Variants in PCDH15 observed in about 807,000 individuals in gnomAD.
PCDH15 encodes the protein protocadherin-15.
In PCDH15, 129 loss-of-function variants were observed where a neutral mutation model predicts 178.5. That is an observed-to-expected ratio of 0.72 (90% CI 0.63 to 0.84). The LOEUF is 0.84. Ranked by LOEUF, PCDH15 falls within the 40% of genes least tolerant of loss-of-function variation. The pLI is 0.00. For synonymous variants in PCDH15, 800 were observed against 732.0 expected, an observed-to-expected ratio of 1.09 and a Z score of -1.50; for missense variants, 2,230 against 2,099.9, an observed-to-expected ratio of 1.06 and a Z score of -1.21.
rs1588897718 is a variant in PCDH15 at position 55,306,739 on chromosome 10, A to G, written c.-156+12860T>C. The stretch of plus-strand genomic sequence containing the variant: ...GGGGCAGAGTAAAGTGAAATCTTAC[A>G]TTATTCATGTTGAAAATCTTGAAAT... On this transcript the variant is annotated intron_variant, in intron 1 of 5. Coordinates refer to the PCDH15 transcript ENST00000458638. Among the ~76,000 whole-genome samples, 6 of 152,356 alleles carry G rather than the reference A, an allele frequency of 3.9e-5. 1 individual carries two copies. Among genetic ancestry groups the G allele is most frequent in the Admixed American group, 3.9e-4 (6 of 15,300 alleles).
intron 2 of PCDH15, among the ~76,000 whole-genome samples, chr10:55,359,733 TATATATATATATATACAC>T (rs1565054521): frequency 1.7e-5 from 2 of 118,384 alleles, no homozygotes; most frequent in African/African-American, 6.5e-5. Flanking sequence ...TATATATATA[TATATATATATATATACAC>T]ACACACACAC....
chr10:54,881,894 T>A (rs1564599185), intron 3 of PCDH15, among the ~76,000 whole-genome samples: 1 of 152,166 alleles, frequency 6.6e-6, no homozygotes, highest in Non-Finnish European at 1.5e-5. Context: ...GCAGGAATAT[T>A]CCCATTTAAA....
At chr10:55,348,481 C>T (rs1271837672) in intron 2 of PCDH15, among the ~76,000 whole-genome samples, 1 of 152,040 alleles carries the variant, frequency 6.6e-6, no homozygotes, top group African/African-American at 2.4e-5. Flanking sequence ...AAACAAACCC[C>T]TGGCTTTGTG....
chr10:54,443,611 C>A (rs568857781), intron 3 of PCDH15, among the ~76,000 whole-genome samples: 1 of 151,680 alleles, frequency 6.6e-6, no homozygotes, highest in Non-Finnish European at 1.5e-5. Flanking sequence ...ATCCATCTGT[C>A]GGACTGACTA....
chr10:54,859,672 T>C (rs976778214), intron 3 of PCDH15, among the ~76,000 whole-genome samples: 2 of 151,832 alleles, frequency 1.3e-5, no homozygotes, highest in Middle Eastern at 3.4e-3. Context: ...TTGATATAAG[T>C]GTATCTGTTT....
intron 1 of PCDH15, among the ~76,000 whole-genome samples, chr10:54,762,639 G>T (rs1020597864): frequency 3.3e-5 from 5 of 151,940 alleles, no homozygotes; most frequent in African/African-American, 7.3e-5. Context: ...ATCTTACATG[G>T]TTAAAACATT....
chr10:55,249,053 T>C (rs1841761191), intron 1 of PCDH15, among the ~76,000 whole-genome samples: 1 of 152,098 alleles, frequency 6.6e-6, no homozygotes, highest in Admixed American at 6.6e-5. Flanking sequence ...TGTAAATCTA[T>C]AAAAAGACAG....
chr10:54,087,502 T>A (rs1463168198), intron 16 of PCDH15, among the ~76,000 whole-genome samples: 2 of 152,134 alleles, frequency 1.3e-5, no homozygotes, highest in Admixed American at 1.3e-4. Context: ...TATTGATGAG[T>A]AATATTATAT....
At chr10:54,537,032 T>G (rs1758822) in intron 2 of PCDH15, among the ~76,000 whole-genome samples, 53,604 of 133,312 alleles carry the variant, frequency 0.4, 12,056 homozygotes, top group East Asian at 0.67. Context: ...ACGGCGTCTC[T>G]CTCTCGCCCA....
intron 3 of PCDH15, among the ~76,000 whole-genome samples, chr10:54,881,850 T>A (rs1231740217): frequency 6.6e-6 from 1 of 152,194 alleles, no homozygotes; most frequent in Admixed American, 6.6e-5. Flanking sequence ...TTTTTGTTTA[T>A]AAGTGTTTTC....
chr10:54,428,829 CT>C (rs1956611495), intron 3 of PCDH15, among the ~76,000 whole-genome samples: 1 of 152,122 alleles, frequency 6.6e-6, no homozygotes, highest in Non-Finnish European at 1.5e-5. Flanking sequence ...AAATAAAAAA[CT>C]TTTACCCTAC....
intron 8 of PCDH15, among the ~76,000 whole-genome samples, chr10:54,308,803 G>T (rs1591719651): frequency 1.3e-5 from 2 of 151,320 alleles, no homozygotes; most frequent in Non-Finnish European, 1.5e-5. Flanking sequence ...CCCCAGACAG[G>T]CCCCCATGTC....
At chr10:53,949,527 T>C (rs1253450812) in intron 23 of PCDH15, among the ~76,000 whole-genome samples, 1 of 152,104 alleles carries the variant, frequency 6.6e-6, no homozygotes, top group Non-Finnish European at 1.5e-5. Context: ...GAAGGTTTTA[T>C]AAGAATGATA....
intron 2 of PCDH15, among the ~76,000 whole-genome samples, chr10:55,546,474 T>G (rs186150092): frequency 1.1e-4 from 16 of 152,276 alleles, no homozygotes; most frequent in Admixed American, 1.0e-3. Flanking sequence ...TATATATTAT[T>G]GAGTGTCATT....
rs567376995 is a variant in PCDH15 at position 55,400,401 on chromosome 10, T to A, written c.-156+227224A>T. Among the ~76,000 whole-genome samples, 4 of 152,262 alleles carry A rather than the reference T, an allele frequency of 2.6e-5. No individual in the cohort carries two copies. In the East Asian group the frequency reaches 5.8e-4, roughly 22 times the overall value. On this transcript the variant is annotated intron_variant, in intron 2 of 5. Transcript: ENST00000613346. Reference sequence around the variant, plus strand: ...TTTAAGCCACTAAAGGTCATGTGATTGTTTATCACACCACGTAACCTAGCA... The same window carrying A: ...TTTAAGCCACTAAAGGTCATGTGATAGTTTATCACACCACGTAACCTAGCA...
chr10:54,709,961 T>TATTTGTATATAC (rs2095411879), intron 1 of PCDH15, among the ~76,000 whole-genome samples: 1 of 149,768 alleles, frequency 6.7e-6, no homozygotes, highest in Admixed American at 6.7e-5. Flanking sequence ...ATTACATATT[T>TATTTGTATATAC]ATATGTAATA....
intron 2 of PCDH15, among the ~76,000 whole-genome samples, chr10:55,398,358 G>T (rs925128238): frequency 3.9e-5 from 6 of 152,128 alleles, no homozygotes; most frequent in Non-Finnish European, 7.3e-5. Flanking sequence ...CAGATGTGGG[G>T]TTAGGCCAAC....
At chr10:53,945,537 CT>C (rs1430491661) in intron 23 of PCDH15, among the ~76,000 whole-genome samples, 5 of 151,918 alleles carry the variant, frequency 3.3e-5, no homozygotes, top group Non-Finnish European at 4.4e-5. Flanking sequence ...AATTTTGTAT[CT>C]TTTGACAAAT....
chr10:54,594,487 A>G (rs1234648391), intron 2 of PCDH15, among the ~76,000 whole-genome samples: 3 of 152,030 alleles, frequency 2.0e-5, no homozygotes, highest in Admixed American at 2.0e-4. Context: ...AGGCACCTCA[A>G]GGGGGCCTGC....
Sources: gnomAD v4.1 joint callset for allele counts (sites outside exome capture counted in the v4.1 genomes callset) on GRCh38, gnomAD v4.1.1 for gene constraint, MANE v1.5 for transcripts, NCBI Gene and HGNC (gene_info 2026-07-23, HGNC 2026-07-21) for gene names.